Variants in STRADB observed in about 807,000 individuals in gnomAD.
STRADB encodes STE20 related adaptor beta.
A neutral mutation model predicts 52.1 loss-of-function variants in STRADB; 34 were observed. The observed-to-expected ratio is 0.65, with a 90% CI of 0.50 to 0.87. The LOEUF (loss-of-function observed/expected upper bound fraction) is 0.87, where lower values mean the gene tolerates loss of function less well. Ranked by LOEUF, STRADB falls within the 40% of genes least tolerant of loss-of-function variation. STRADB has a pLI of 0.00. For synonymous variants in STRADB, 133 were observed against 174.5 expected (o/e 0.76, Z 1.87); for missense variants, 340 against 483.9 (o/e 0.70, Z 2.79).
At chr2:201,454,585 T>C (rs1952099599) in intron 1 of STRADB, among the ~76,000 whole-genome samples, 161 bp from the exon 2 acceptor site, 1 of 152,248 alleles carries the variant, frequency 6.6e-6, no homozygotes, top group Non-Finnish European at 1.5e-5. Flanking sequence ...ATAAATGCTC[T>C]TTAAAGATAC....
Position 201,480,107 on chromosome 2 carries a change from C to A in STRADB, c.1189C>A (p.Pro397Thr). The change falls in exon 12 of 12, where the codon CCA becomes ACA. Residue 397 changes from proline to threonine, a missense_variant. Transcript: ENST00000194530. ...AYNKPSISLP[P>T]VLPWTEPECD... is the part of the protein sequence containing the mutation. ...TAACAAGCCATCAATATCATTGCCT[C>A]CAGTGTTACCTTGGACTGAGCCAGA... 1.2e-6 allele frequency: 2 copies of A among 1,613,854 alleles called. No individual in the cohort carries two copies. Among genetic ancestry groups the A allele is most frequent in the Non-Finnish European group, 1.7e-6 (2 of 1,179,820 alleles).
Position 201,475,840 on chromosome 2 carries a change from G to A in STRADB, c.548+98G>A, listed in dbSNP as rs1952463220. ...GAGCAGTTGAATATTAGAAAAAAGGGATAGGAAACTTGTAAGTGAAAATTG... is the reference window on the plus strand; with the variant it reads ...GAGCAGTTGAATATTAGAAAAAAGGAATAGGAAACTTGTAAGTGAAAATTG... On this transcript the variant is annotated intron_variant, in intron 7 of 11. Coordinates refer to ENST00000194530, the MANE Select transcript of STRADB (RefSeq NM_018571.6). The A allele has an allele frequency of 3.8e-6, 5 of 1,319,328 alleles. No homozygotes were observed. The Admixed American group carries it at 1.2e-4, about 31-fold the overall frequency. The allele number at this position is 1,319,328 out of a possible 1,614,324, so 81.7% of individuals were successfully genotyped here.
intron 8 of STRADB, 96 bp from the exon 9 acceptor site, chr2:201,477,991 A>C (rs1304139822): frequency 1.3e-5 from 16 of 1,245,520 alleles, no homozygotes; most frequent in Admixed American, 4.5e-5. Flanking sequence ...TTTCTTTTCC[A>C]TTATTGTTCA....
intron 10 of STRADB, 104 bp from the exon 11 acceptor site, chr2:201,479,385 A>T: frequency 2.0e-6 from 2 of 1,005,160 alleles, no homozygotes; most frequent in East Asian, 2.7e-5. Context: ...TCTTTTTCGT[A>T]TTGGGTTTTA....
intron 2 of STRADB, among the ~76,000 whole-genome samples, chr2:201,457,757 C>T (rs1417050208): frequency 6.6e-6 from 1 of 152,154 alleles, no homozygotes; most frequent in Non-Finnish European, 1.5e-5. Context: ...TGGTGGCTCA[C>T]GCCTATAATC....
intron 6 of STRADB, 132 bp downstream of exon 6, chr2:201,474,887 T>G (rs1025081428): frequency 1.3e-5 from 9 of 704,744 alleles, no homozygotes; most frequent in African/African-American, 1.9e-5. Context: ...TTTCATGGTA[T>G]ATTTCTATAT....
intron 5 of STRADB, among the ~76,000 whole-genome samples, chr2:201,473,879 G>C (rs923765116): frequency 2.8e-5 from 4 of 142,094 alleles, no homozygotes; most frequent in Non-Finnish European, 6.2e-5. Flanking sequence ...TTTGGATATT[G>C]TTCCAATTCT....
chr2:201,478,646 C>T (rs973085358), intron 10 of STRADB, 45 bp downstream of exon 10: 1 of 1,585,470 alleles, frequency 6.3e-7, no homozygotes, highest in East Asian at 2.2e-5. Context: ...ACATGTTTTA[C>T]ATTTTATAGA....
At chr2:201,477,053 T>TTTG (rs1952486429) in intron 7 of STRADB, among the ~76,000 whole-genome samples, 1 of 11,002 alleles carries the variant, frequency 9.1e-5, no homozygotes, top group Non-Finnish European at 2.6e-4. Flanking sequence ...ATATTATCAG[T>TTTG]TTTTTTTTTT....
intron 3 of STRADB, among the ~76,000 whole-genome samples, chr2:201,465,935 C>A (rs1574285394): frequency 6.6e-6 from 1 of 152,198 alleles, no homozygotes; most frequent in South Asian, 2.1e-4. Flanking sequence ...TCTCCCTCCC[C>A]GGGGGATGCG....
intron 1 of STRADB, among the ~76,000 whole-genome samples, chr2:201,452,643 G>A (rs1278568136): frequency 1.2e-4 from 18 of 152,160 alleles, no homozygotes; most frequent in Admixed American, 1.2e-3. Context: ...GATTTTATGG[G>A]TTCCCAAGAT....
At chr2:201,463,401 G>A (rs1213499018) in intron 3 of STRADB, among the ~76,000 whole-genome samples, 1 of 150,878 alleles carries the variant, frequency 6.6e-6, no homozygotes, top group Non-Finnish European at 1.5e-5. Context: ...TGGCCTGTAA[G>A]GTTTCCACTG....
At chr2:201,463,918 T>G (rs1230779436) in intron 3 of STRADB, among the ~76,000 whole-genome samples, 1 of 152,134 alleles carries the variant, frequency 6.6e-6, no homozygotes, top group Admixed American at 6.5e-5. Context: ...AGAATTTGCT[T>G]GATTTTTAAA....
rs1197766579 is a variant in STRADB, at chr2:201,469,990, C to T, written c.131C>T (p.Thr44Ile). ...EPTLSWSRPSTRASEVLCSTN... is the reference protein window; with the variant it reads ...EPTLSWSRPSIRASEVLCSTN... ...ACCCTTTCCTGGTCACGTCCATCCA[C>T]TAGAGCCAGTGAAGTACTATGTTCC... The change falls in exon 4 of 12, where the codon ACT becomes ATT. Residue 44 changes from threonine to isoleucine, a missense_variant. Transcript: ENST00000194530. 1 of 1,614,046 alleles carries T rather than the reference C, an allele frequency of 6.2e-7. No homozygotes were observed. Among genetic ancestry groups the T allele is most frequent in the Admixed American group, 1.7e-5 (1 of 60,024 alleles).
At chr2:201,471,742 G>A (rs911699714) in intron 4 of STRADB, among the ~76,000 whole-genome samples, 2 of 152,152 alleles carry the variant, frequency 1.3e-5, no homozygotes, top group Non-Finnish European at 2.9e-5. Flanking sequence ...CATTACCTGT[G>A]TCTTTTTTAA....
rs146527754 is a variant in STRADB, at chr2:201,464,824, C to T, written c.94-5129C>T. The stretch of plus-strand genomic sequence containing the variant: ...ACCACAGGACAAAGTCCTTCCCATT[C>T]TTCCCTCTCCTTTCCTCAGGCAGAA... On this transcript the variant is annotated intron_variant, in intron 3 of 11. Coordinates refer to ENST00000194530, the MANE Select transcript of STRADB (RefSeq NM_018571.6). 2.3e-3 allele frequency among the ~76,000 whole-genome samples: 343 copies of T among 152,332 alleles called. 3 individuals are homozygous for T. Among genetic ancestry groups the T allele is most frequent in the African/African-American group, 7.7e-3 (322 of 41,578 alleles).
intron 2 of STRADB, among the ~76,000 whole-genome samples, chr2:201,457,919 G>A (rs1366515907): frequency 6.6e-6 from 1 of 152,074 alleles, no homozygotes; most frequent in Non-Finnish European, 1.5e-5. Flanking sequence ...AGCTACTCAG[G>A]AAGTTGAGGC....
chr2:201,458,516 T>A (rs2125672460), intron 2 of STRADB, among the ~76,000 whole-genome samples: 1 of 152,350 alleles, frequency 6.6e-6, no homozygotes. Flanking sequence ...TGAATTATTA[T>A]GACATCAAGA....
At chr2:201,460,111 T>C (rs1448771487) in intron 3 of STRADB, among the ~76,000 whole-genome samples, 1 of 152,190 alleles carries the variant, frequency 6.6e-6, no homozygotes, top group African/African-American at 2.4e-5. Flanking sequence ...TAATTTTGCT[T>C]ATAATTTAAC....
Sources: allele counts gnomAD v4.1 joint callset (sites outside exome capture counted in the v4.1 genomes callset), GRCh38; gene constraint gnomAD v4.1.1; transcripts MANE v1.5; gene names NCBI Gene and HGNC (gene_info 2026-07-23, HGNC 2026-07-21).